Variants in FBXL17 observed in about 807,000 individuals in gnomAD.
FBXL17 encodes F-box and leucine rich repeat protein 17.
FBXL17 carries 22 observed loss-of-function variants against 66.2 expected under a neutral mutation model. That is an observed-to-expected ratio of 0.33 (90% CI 0.24 to 0.47). The LOEUF (loss-of-function observed/expected upper bound fraction) is 0.47. Among genes scored for constraint, FBXL17 ranks in the 20% least tolerant of loss-of-function variants. The pLI is 1.00. For missense variants in FBXL17, 878 were observed against 948.2 expected (o/e 0.93, Z 0.97); for synonymous variants, 474 against 400.5 (o/e 1.18, Z -2.19).
chr5:108,265,266 T>C (rs1757001217), intron 4 of FBXL17, among the ~76,000 whole-genome samples: 1 of 152,080 alleles, frequency 6.6e-6, no homozygotes, highest in East Asian at 1.9e-4. Context: ...TCTGCACTGA[T>C]CTTCTGCACT....
chr5:108,112,885 C>G (rs1451732505), intron 6 of FBXL17, among the ~76,000 whole-genome samples: 1 of 123,196 alleles, frequency 8.1e-6, no homozygotes, highest in Non-Finnish European at 1.9e-5. Context: ...GATATTTTAA[C>G]TGTAAAATAG....
At chr5:107,904,402 C>G (rs952377815) in intron 7 of FBXL17, among the ~76,000 whole-genome samples, 4 of 152,154 alleles carry the variant, frequency 2.6e-5, no homozygotes, top group Admixed American at 6.6e-5. Context: ...GGATCCTCAT[C>G]ATCTCTCCCC....
In FBXL17 at chr5:108,053,374, G is replaced by A. The variant is rs564133431; in HGVS notation, c.1746-32373C>T. On this transcript the variant is annotated intron_variant, in intron 6 of 8. Transcript: ENST00000542267. ...AGAAAAAAAACAACCCTATCAAAAAGTGGGCAAAGGATATGAACAGACACT... is the reference window on the plus strand; with the variant it reads ...AGAAAAAAAACAACCCTATCAAAAAATGGGCAAAGGATATGAACAGACACT... Among the ~76,000 whole-genome samples, 12 of 152,078 alleles carry A rather than the reference G, an allele frequency of 7.9e-5. No homozygotes were observed. The East Asian group carries it at 2.3e-3, about 29-fold the overall frequency.
At chr5:108,119,923 T>C (rs55818290) in intron 6 of FBXL17, among the ~76,000 whole-genome samples, 7,922 of 152,306 alleles carry the variant, frequency 0.052, 347 homozygotes, top group African/African-American at 0.12. Flanking sequence ...GGGTCACCCA[T>C]TGGCTCCAAA....
At chr5:107,871,788 A>G (rs1408262072) in intron 8 of FBXL17, among the ~76,000 whole-genome samples, 1 of 152,062 alleles carries the variant, frequency 6.6e-6, no homozygotes, top group African/African-American at 2.4e-5. Flanking sequence ...CCCTAATAAG[A>G]TAATTAATAT....
chr5:108,254,274 C>T (rs1313872753), intron 4 of FBXL17, among the ~76,000 whole-genome samples: 2 of 152,200 alleles, frequency 1.3e-5, no homozygotes, highest in Non-Finnish European at 2.9e-5. Flanking sequence ...AAAATCACAA[C>T]ATATTCAAGG....
intron 5 of FBXL17, among the ~76,000 whole-genome samples, chr5:108,218,179 T>A (rs774404006): frequency 6.6e-6 from 1 of 151,836 alleles, no homozygotes; most frequent in Non-Finnish European, 1.5e-5. Context: ...CTAATTTTTT[T>A]ATATTTTTTT....
At position 108,186,158 on chromosome 5, in the gene FBXL17, A is replaced by G; in HGVS notation, c.1704T>C (p.Leu568=). 1.2e-6 allele frequency: 2 copies of G among 1,612,602 alleles called. No homozygotes were observed. Among genetic ancestry groups the G allele is most frequent in the East Asian group, 2.2e-5 (1 of 44,760 alleles). The part of the protein sequence containing the change: ...VMEIVKRCKN[L]SSLNLCLNWI... ...AGTTCAGACAGAGATTGAGAGAGCT[A>G]AGATTTTTGCACCTCTTGACAATTT... Residue 568 remains leucine, a synonymous_variant, in exon 6 of 9, where the codon CTT becomes CTC. Transcript: ENST00000542267.
intron 7 of FBXL17, among the ~76,000 whole-genome samples, chr5:107,910,203 G>A (rs192805431): frequency 6.6e-5 from 10 of 152,094 alleles, no homozygotes; most frequent in Non-Finnish European, 1.5e-4. Flanking sequence ...TCAAGAAAAG[G>A]AAGAAAAGAA....
At chr5:107,942,961 G>GT (rs1449846533) in intron 7 of FBXL17, among the ~76,000 whole-genome samples, 6 of 152,112 alleles carry the variant, frequency 3.9e-5, no homozygotes, top group Non-Finnish European at 7.4e-5. Context: ...ACACTTTTCA[G>GT]GTCCTCGTTT....
chr5:108,373,229 A>T (rs1231134020), intron 1 of FBXL17, among the ~76,000 whole-genome samples: 1 of 137,084 alleles, frequency 7.3e-6, no homozygotes, highest in Non-Finnish European at 1.5e-5. Flanking sequence ...ATATTAATAT[A>T]AATATAATAT....
chr5:108,234,880 GA>G (rs200048447), intron 4 of FBXL17, among the ~76,000 whole-genome samples: 1 of 151,406 alleles, frequency 6.6e-6, no homozygotes, highest in African/African-American at 2.4e-5. Context: ...AATTAACAAA[GA>G]AAAAAAAGTA....
chr5:108,269,773 C>T (rs1757191298), intron 4 of FBXL17, among the ~76,000 whole-genome samples: 1 of 151,980 alleles, frequency 6.6e-6, no homozygotes, highest in African/African-American at 2.4e-5. Context: ...TAAGACAGTG[C>T]CACCACAAAA....
At chr5:107,958,623 C>T (rs1751762274) in intron 7 of FBXL17, among the ~76,000 whole-genome samples, 1 of 152,160 alleles carries the variant, frequency 6.6e-6, no homozygotes, top group African/African-American at 2.4e-5. Context: ...GGCCTCACTT[C>T]GTCAAGCAAT....
chr5:108,153,376 A>T (rs987768091), intron 6 of FBXL17, among the ~76,000 whole-genome samples: 1 of 152,196 alleles, frequency 6.6e-6, no homozygotes, highest in East Asian at 1.9e-4. Context: ...AAGTGAATTA[A>T]CCAACTAGCA....
rs367643167 is a variant in FBXL17 at position 108,379,268 on chromosome 5, G to C, written c.993+1431C>G. ...AACAGTCTTATTTGCCAAATAAGAA[G>C]ACAGCAATCAAGTTTCTATACCAAA... On this transcript the variant is annotated intron_variant, in intron 1 of 8. Coordinates refer to ENST00000542267, the MANE Select transcript of FBXL17 (RefSeq NM_001163315.3). 2.0e-4 allele frequency among the ~76,000 whole-genome samples: 30 copies of C among 152,060 alleles called. No homozygotes were observed. The South Asian group carries it at 5.6e-3, about 28-fold the overall frequency.
At chr5:108,346,522 A>G (rs1747292303) in intron 4 of FBXL17, among the ~76,000 whole-genome samples, 1 of 152,118 alleles carries the variant, frequency 6.6e-6, no homozygotes, top group African/African-American at 2.4e-5. Flanking sequence ...TGTTTACTCA[A>G]CAAGAAAAAT....
intron 6 of FBXL17, among the ~76,000 whole-genome samples, chr5:108,143,723 T>C (rs901339214): frequency 8.5e-5 from 7 of 82,038 alleles, no homozygotes; most frequent in Non-Finnish European, 9.5e-5. Flanking sequence ...CTTGTTTTCA[T>C]GGGAAAAAAA....
chr5:107,893,274 C>T lies in FBXL17; in HGVS notation c.1823-12095G>A, dbSNP rs149928924. Among the ~76,000 whole-genome samples, 333 of 152,258 alleles carry T rather than the reference C, an allele frequency of 2.2e-3. 1 individual carries two copies. Among genetic ancestry groups the T allele is most frequent in the African/African-American group, 7.6e-3 (315 of 41,546 alleles). On this transcript the variant is annotated intron_variant, in intron 7 of 8. Transcript: ENST00000542267. ...AGGGAGAGGCCTGGTTCTGGATCTG[C>T]TCATCTGGGAGCTTAAACCATGCAC...
Sources: allele counts gnomAD v4.1 joint callset (sites outside exome capture counted in the v4.1 genomes callset), GRCh38; gene constraint gnomAD v4.1.1; transcripts MANE v1.5; gene names NCBI Gene and HGNC (gene_info 2026-07-23, HGNC 2026-07-21).